Variants in FRMD4A observed in about 807,000 individuals in gnomAD.
FRMD4A encodes the protein FERM domain containing 4A.
Under a neutral mutation model 129.1 loss-of-function variants are expected in FRMD4A, and 29 were observed. That is an observed-to-expected ratio of 0.22 (90% confidence interval 0.17 to 0.31). The LOEUF (loss-of-function observed/expected upper bound fraction) is 0.31, where lower values mean the gene tolerates loss of function less well. Ranked by LOEUF, FRMD4A falls within the 10% of genes least tolerant of loss-of-function variation. FRMD4A has a pLI of 1.00. For synonymous variants in FRMD4A, 634 were observed against 571.6 expected (o/e 1.11, Z -1.56); for missense variants, 1,272 against 1,375.8 (o/e 0.92, Z 1.19).
chr10:13,764,226 A>G (rs1182340306), intron 6 of FRMD4A, among the ~76,000 whole-genome samples: 2 of 117,160 alleles, frequency 1.7e-5, no homozygotes, highest in African/African-American at 7.8e-5. Flanking sequence ...TGTGTATGGT[A>G]AAAACACCTA....
chr10:13,830,819 T>C (rs1457408700), intron 3 of FRMD4A, among the ~76,000 whole-genome samples: 1 of 152,076 alleles, frequency 6.6e-6, no homozygotes, highest in African/African-American at 2.4e-5. Flanking sequence ...AGACAGAGTC[T>C]CGCTCTGTCA....
chr10:13,996,097 C>A (rs1281333187), intron 2 of FRMD4A, among the ~76,000 whole-genome samples: 1 of 152,226 alleles, frequency 6.6e-6, no homozygotes, highest in African/African-American at 2.4e-5. Context: ...GCAAAACTTT[C>A]TTCCTGTGTC....
At chr10:13,983,196 G>T (rs1379216938) in intron 2 of FRMD4A, among the ~76,000 whole-genome samples, 2 of 152,096 alleles carry the variant, frequency 1.3e-5, no homozygotes, top group Non-Finnish European at 2.9e-5. Context: ...TCTGACAGAG[G>T]CCAAGTGTCC....
At chr10:14,074,601 C>T (rs745771991) in intron 2 of FRMD4A, 1 of 152,212 alleles carries the variant, frequency 6.6e-6, no homozygotes, top group Non-Finnish European at 1.5e-5. Context: ...GCAAGCATTT[C>T]ATCTGGCAGG....
In FRMD4A at chr10:13,666,344, C is replaced by CG; in HGVS notation, c.1375-20dup. On this transcript the variant is annotated intron_variant, in intron 17 of 24. Transcript: ENST00000357447. ...CAGCTTCCTGTGGGAGGGAAAGCAC[C>CG]GGTTTGGGTTACTGGGGATGCTGAG... is the stretch of plus-strand genomic sequence containing the variant. The CG allele has an allele frequency of 6.4e-7, 1 of 1,568,616 alleles. No homozygotes were observed. The highest frequency in any genetic ancestry group is 1.4e-5 in the African/African-American group (1 of 74,032).
intron 12 of FRMD4A, among the ~76,000 whole-genome samples, chr10:13,716,842 G>A (rs1003841102): frequency 6.6e-6 from 1 of 152,184 alleles, no homozygotes; most frequent in Admixed American, 6.5e-5. Context: ...GCCTCTCTCT[G>A]TATTATTTTC....
At chr10:13,872,185 G>T (rs112791894) in intron 2 of FRMD4A, among the ~76,000 whole-genome samples, 1 of 152,196 alleles carries the variant, frequency 6.6e-6, no homozygotes, top group Non-Finnish European at 1.5e-5. Flanking sequence ...AGGAAGGCCC[G>T]GGGGCGCTGC....
At chr10:13,747,122 G>A (rs2091331689) in intron 9 of FRMD4A, among the ~76,000 whole-genome samples, 1 of 151,602 alleles carries the variant, frequency 6.6e-6, no homozygotes, top group African/African-American at 2.4e-5. Context: ...AAAGGCTCTC[G>A]AAGGCGGTGA....
At chr10:14,164,529 C>T (rs1841073029) in intron 2 of FRMD4A, among the ~76,000 whole-genome samples, 1 of 152,172 alleles carries the variant, frequency 6.6e-6, no homozygotes, top group Non-Finnish European at 1.5e-5. Flanking sequence ...GGTAGCCCAT[C>T]CCGTGATTCC....
At chr10:13,703,785 T>C (rs2087111654) in intron 13 of FRMD4A, among the ~76,000 whole-genome samples, 1 of 152,080 alleles carries the variant, frequency 6.6e-6, no homozygotes, top group Non-Finnish European at 1.5e-5. Flanking sequence ...GGCGGGTGGA[T>C]CACGAGGTCA....
rs1455667937 is a variant in FRMD4A at position 14,184,146 on chromosome 10, TTTTGA to T, written c.45+145907_45+145911del. 1.2e-4 allele frequency among the ~76,000 whole-genome samples: 17 copies of T among 144,496 alleles called. No homozygotes were observed. The South Asian group carries it at 3.9e-3, about 33-fold the overall frequency. 94.8% of individuals were successfully genotyped at this position (144,496 alleles called of 152,430 possible). A position where few individuals can be genotyped will look rare whatever the true frequency, so the allele number is the denominator to read the frequency against. On this transcript the variant is annotated intron_variant, in intron 2 of 24. Coordinates refer to ENST00000357447, the MANE Select transcript of FRMD4A (RefSeq NM_018027.5). ...TTTTCTTTTTTTTTTTTTTTTTTTTTTTTGAGAGAGTCTCACTCTCTGTTGCCCAG... is the reference window on the plus strand; with the variant it reads ...TTTTCTTTTTTTTTTTTTTTTTTTTTGAGAGTCTCACTCTCTGTTGCCCAG...
chr10:14,141,745 C>T (rs1011499492), intron 2 of FRMD4A, among the ~76,000 whole-genome samples: 8 of 152,158 alleles, frequency 5.3e-5, no homozygotes, highest in African/African-American at 1.7e-4. Flanking sequence ...TGGTTGCTTC[C>T]ACTTTCTTCT....
intron 2 of FRMD4A, among the ~76,000 whole-genome samples, chr10:14,046,373 G>T (rs1833991399): frequency 6.6e-6 from 1 of 152,014 alleles, no homozygotes; most frequent in Admixed American, 6.6e-5. Context: ...TGTAATAAAA[G>T]GAGCCACTAT....
chr10:14,283,664 T>C (rs1224933487), intron 2 of FRMD4A, among the ~76,000 whole-genome samples: 1 of 152,234 alleles, frequency 6.6e-6, no homozygotes, highest in African/African-American at 2.4e-5. Context: ...ATTCCTTTGA[T>C]AATGTGTAAT....
intron 2 of FRMD4A, among the ~76,000 whole-genome samples, chr10:14,054,776 A>G (rs1299671359): frequency 2.0e-5 from 3 of 152,176 alleles, no homozygotes; most frequent in Non-Finnish European, 4.4e-5. Flanking sequence ...GTGGGAGGTA[A>G]CTGAATCGTG....
intron 15 of FRMD4A, among the ~76,000 whole-genome samples, chr10:13,686,883 G>A (rs1195256141): frequency 2.0e-5 from 3 of 152,168 alleles, no homozygotes; most frequent in African/African-American, 7.2e-5. Context: ...AATACAACAA[G>A]CCACACGTCC....
At chr10:14,070,229 C>T (rs75355508) in intron 2 of FRMD4A, among the ~76,000 whole-genome samples, 1 of 152,084 alleles carries the variant, frequency 6.6e-6, no homozygotes, top group Admixed American at 6.5e-5. Context: ...TGCAGGGACC[C>T]CTGTGAGGTG....
chr10:14,009,312 G>GT lies in FRMD4A; in HGVS notation c.46-150401dup, dbSNP rs56267292. Among the ~76,000 whole-genome samples the GT allele has an allele frequency of 3.2e-3, 479 of 149,794 alleles. 4 individuals carry two copies. Among genetic ancestry groups the GT allele is most frequent in the African/African-American group, 9.7e-3 (396 of 40,744 alleles). On this transcript the variant is annotated intron_variant, in intron 2 of 24. Coordinates refer to ENST00000357447, the MANE Select transcript of FRMD4A (RefSeq NM_018027.5). ...CTTCCAGGATATGGGGTATGTTTGGGTTTTTTTTTTCTTTTTCTTTTTAAA... is the reference window on the plus strand; with the variant it reads ...CTTCCAGGATATGGGGTATGTTTGGGTTTTTTTTTTTCTTTTTCTTTTTAAA...
At chr10:13,733,373 G>T (rs139972600) in intron 12 of FRMD4A, among the ~76,000 whole-genome samples, 1 of 152,122 alleles carries the variant, frequency 6.6e-6, no homozygotes, top group East Asian at 1.9e-4. Context: ...TTAGCGGGGT[G>T]GGGGGGTACC....
Sources: gnomAD v4.1 joint callset for allele counts (sites outside exome capture counted in the v4.1 genomes callset) on GRCh38, gnomAD v4.1.1 for gene constraint, MANE v1.5 for transcripts, NCBI Gene and HGNC (gene_info 2026-07-23, HGNC 2026-07-21) for gene names.